The following NAA11 variants were observed in gnomAD, a reference collection of about 807,000 sequenced individuals.
The protein encoded by NAA11 is N-alpha-acetyltransferase 11, NatA catalytic subunit, also known as N-alpha-acetyltransferase 11.
In NAA11, 15 loss-of-function variants were observed where a neutral mutation model predicts 16.1. That is an observed-to-expected ratio of 0.93 (90% confidence interval 0.62 to 1.44). NAA11 has a LOEUF of 1.44. Among genes scored for constraint, NAA11 ranks in the 40% most tolerant of loss-of-function variants. The pLI is 0.00. For synonymous variants in NAA11, 122 were observed against 112.4 expected (o/e 1.09, Z -0.54); for missense variants, 298 against 291.3 (o/e 1.02, Z -0.17).
intron 1 of NAA11, among the ~76,000 whole-genome samples, chr4:79,302,995 A>T (rs1723436335): frequency 6.7e-6 from 1 of 150,234 alleles, no homozygotes; most frequent in Non-Finnish European, 1.5e-5. Flanking sequence ...CTTAAAATAT[A>T]CACCCAAAGT....
At chr4:79,181,139 T>TA in the NAA11 span, among the ~76,000 whole-genome samples, 11 of 151,542 alleles carry the variant, frequency 7.3e-5, no homozygotes, top group African/African-American at 2.7e-4. Flanking sequence ...AATGACGAGT[T>TA]AATGGGTGCA....
chr4:79,324,541 T>C (rs1319943952), intron 1 of NAA11, among the ~76,000 whole-genome samples: 1 of 152,228 alleles, frequency 6.6e-6, no homozygotes, highest in Admixed American at 6.5e-5. Flanking sequence ...ATTTGGCTGT[T>C]TGCATCATGG....
chr4:79,172,823 C>A, the NAA11 span, among the ~76,000 whole-genome samples: 1 of 152,034 alleles, frequency 6.6e-6, no homozygotes, highest in South Asian at 2.1e-4. Flanking sequence ...CATGAAGAAA[C>A]AGAATAGCAA....
the NAA11 span, among the ~76,000 whole-genome samples, chr4:79,213,115 T>A: frequency 3.3e-5 from 5 of 152,158 alleles, no homozygotes; most frequent in African/African-American, 1.2e-4. Context: ...ATTATCACAA[T>A]GAAAGAGCAA....
chr4:79,178,102 A>C, the NAA11 span, among the ~76,000 whole-genome samples: 1 of 152,150 alleles, frequency 6.6e-6, no homozygotes, highest in Admixed American at 6.6e-5. Context: ...AAATATTTGC[A>C]CTTAACTTTC....
chr4:79,215,414 A>G, the NAA11 span, among the ~76,000 whole-genome samples: 2 of 152,226 alleles, frequency 1.3e-5, no homozygotes, highest in African/African-American at 4.8e-5. Flanking sequence ...TGGCCAGAAC[A>G]GCCAAGGCTC....
chr4:79,201,286 A>C, the NAA11 span, among the ~76,000 whole-genome samples: 2 of 151,630 alleles, frequency 1.3e-5, no homozygotes, highest in African/African-American at 4.8e-5. Flanking sequence ...GTCAAGAACA[A>C]TGAATTTCTG....
the NAA11 span, among the ~76,000 whole-genome samples, chr4:79,178,289 G>A: frequency 1.3e-5 from 2 of 152,084 alleles, no homozygotes; most frequent in Non-Finnish European, 2.9e-5. Flanking sequence ...CTAGGAAAAC[G>A]GCGAACAATA....
the NAA11 span, among the ~76,000 whole-genome samples, chr4:79,187,821 C>A: frequency 6.6e-6 from 1 of 151,508 alleles, no homozygotes; most frequent in Non-Finnish European, 1.5e-5. Context: ...ACGGTGAAAC[C>A]CCGTCACTAC....
At chr4:79,292,855 C>A (rs1344241662) in intron 2 of NAA11, among the ~76,000 whole-genome samples, 1 of 152,128 alleles carries the variant, frequency 6.6e-6, no homozygotes, top group African/African-American at 2.4e-5. Context: ...TTGAATGAAT[C>A]ACACTGTATG....
At chr4:79,168,714 G>T in the NAA11 span, among the ~76,000 whole-genome samples, 2 of 151,984 alleles carry the variant, frequency 1.3e-5, no homozygotes, top group Admixed American at 6.6e-5. Flanking sequence ...TCTTTGATGG[G>T]GTTGTTTGTT....
chr4:79,292,547 A>T (rs1386860691), intron 2 of NAA11, among the ~76,000 whole-genome samples: 1 of 152,216 alleles, frequency 6.6e-6, no homozygotes, highest in African/African-American at 2.4e-5. Flanking sequence ...ATGATTGCGT[A>T]TAAAGTACCT....
At chr4:79,247,947 T>A (rs142164534) in intron 2 of NAA11, among the ~76,000 whole-genome samples, 1 of 152,246 alleles carries the variant, frequency 6.6e-6, no homozygotes, top group African/African-American at 2.4e-5. Flanking sequence ...TGCGGGAGTG[T>A]CTGTAGTGGA....
At chr4:79,227,093 G>A (rs926692172) in intron 2 of NAA11, 1 of 152,078 alleles carries the variant, frequency 6.6e-6, no homozygotes, top group African/African-American at 2.4e-5. Context: ...AGCACCTGTT[G>A]TTTCCTGACT....
At chr4:79,232,785 G>A (rs976678297) in intron 2 of NAA11, among the ~76,000 whole-genome samples, 1 of 151,930 alleles carries the variant, frequency 6.6e-6, no homozygotes, top group African/African-American at 2.4e-5. Flanking sequence ...ATAAAACTGA[G>A]CATAGCACTA....
At chr4:79,192,345 A>G in the NAA11 span, among the ~76,000 whole-genome samples, 1 of 150,328 alleles carries the variant, frequency 6.7e-6, no homozygotes, top group East Asian at 2.0e-4. Flanking sequence ...ATCATTTAAC[A>G]TTAGGTATAT....
the NAA11 span, among the ~76,000 whole-genome samples, chr4:79,186,291 T>A: frequency 6.6e-6 from 1 of 152,160 alleles, no homozygotes; most frequent in South Asian, 2.1e-4. Context: ...TGAAGGTGAA[T>A]CAAAATATGA....
chr4:79,176,575 T>C, the NAA11 span, among the ~76,000 whole-genome samples: 1 of 152,052 alleles, frequency 6.6e-6, no homozygotes, highest in Admixed American at 6.6e-5. Context: ...CCACCCAGAT[T>C]AGGGAGGGTA....
chr4:79,274,204 T>C (rs1405332130), intron 2 of NAA11, among the ~76,000 whole-genome samples: 1 of 152,108 alleles, frequency 6.6e-6, no homozygotes, highest in Non-Finnish European at 1.5e-5. Flanking sequence ...CTATGAGTAA[T>C]GCCTCCTATC....
Sources: allele counts gnomAD v4.1 joint callset (sites outside exome capture counted in the v4.1 genomes callset), GRCh38; gene constraint gnomAD v4.1.1; transcripts MANE v1.5; gene names NCBI Gene and HGNC (gene_info 2026-07-23, HGNC 2026-07-21).